CLMP: variants seen among roughly 807,000 people sequenced by gnomAD.
CLMP encodes CXADR-like membrane protein.
CLMP carries 27 observed loss-of-function variants against 45.2 expected under a neutral mutation model. That is an observed-to-expected ratio of 0.60 (90% CI 0.44 to 0.82). The LOEUF (loss-of-function observed/expected upper bound fraction) is 0.82, where lower values mean the gene tolerates loss of function less well. Ranked by LOEUF, CLMP falls within the 40% of genes least tolerant of loss-of-function variation. The pLI, the probability that CLMP is intolerant of heterozygous loss-of-function variation, is 0.00. For missense variants in CLMP, 403 were observed against 448.4 expected (o/e 0.90, Z 0.91); for synonymous variants, 167 against 171.4 (o/e 0.97, Z 0.20).
At chr11:123,161,259 T>C (rs1861483644) in intron 1 of CLMP, among the ~76,000 whole-genome samples, 1 of 152,192 alleles carries the variant, frequency 6.6e-6, no homozygotes, top group Admixed American at 6.5e-5. Context: ...ACTGTAGAAC[T>C]GAGACAGATG....
rs1318902887 is a variant in CLMP, at chr11:123,074,954, G to GTT, written c.680-113_680-112dup. ...AGAATGAGTATTTGCAGGTTTGTTT[G>GTT]TTTTGTTTTTTTTTTTTTGAGACGG... is the stretch of plus-strand genomic sequence containing the variant. On this transcript the variant is annotated intron_variant, in intron 5 of 6. Coordinates refer to ENST00000448775, the MANE Select transcript of CLMP (RefSeq NM_024769.5). 3.4e-5 allele frequency: 39 copies of GTT among 1,162,960 alleles called. No individual in the cohort carries two copies. In the East Asian group the frequency reaches 7.0e-4, roughly 21 times the overall value. The allele number at this position is 1,162,960 out of a possible 1,614,324, so 72.0% of individuals were successfully genotyped here.
intron 1 of CLMP, among the ~76,000 whole-genome samples, chr11:123,129,596 G>T (rs1860955001): frequency 1.5e-5 from 2 of 135,628 alleles, no homozygotes; most frequent in Admixed American, 8.0e-5. Flanking sequence ...TAATTATATA[G>T]TATATAATAT....
At chr11:123,164,341 T>A (rs979500779) in intron 1 of CLMP, among the ~76,000 whole-genome samples, 3 of 152,200 alleles carry the variant, frequency 2.0e-5, no homozygotes, top group Non-Finnish European at 1.5e-5. Context: ...TCTTGCTCTG[T>A]CACCAAGGCT....
intron 5 of CLMP, among the ~76,000 whole-genome samples, chr11:123,075,185 C>T (rs1865722721): frequency 6.6e-6 from 1 of 151,944 alleles, no homozygotes; most frequent in Admixed American, 6.6e-5. Flanking sequence ...AACTCCCGAC[C>T]TCAGGTGATC....
intron 1 of CLMP, among the ~76,000 whole-genome samples, chr11:123,171,611 ATT>A (rs1861635168): frequency 6.6e-6 from 1 of 151,506 alleles, no homozygotes; most frequent in African/African-American, 2.4e-5. Context: ...CAGCCGGCCA[ATT>A]TTTGTTTTTT....
chr11:123,166,302 C>T (rs772811060), intron 1 of CLMP, among the ~76,000 whole-genome samples: 31 of 152,186 alleles, frequency 2.0e-4, no homozygotes, highest in Non-Finnish European at 3.4e-4. Context: ...TTTCGCCAAG[C>T]CCCAGGGCTA....
At chr11:123,155,000 G>C (rs755451647) in intron 1 of CLMP, among the ~76,000 whole-genome samples, 4 of 152,154 alleles carry the variant, frequency 2.6e-5, no homozygotes, top group Non-Finnish European at 4.4e-5. Flanking sequence ...AAATCGCTTT[G>C]TTTTTTGAGA....
chr11:123,123,742 A>G (rs1053694551), intron 1 of CLMP, among the ~76,000 whole-genome samples: 1 of 152,142 alleles, frequency 6.6e-6, no homozygotes, highest in African/African-American at 2.4e-5. Flanking sequence ...TCCATACACA[A>G]TTCCTGACTC....
At chr11:123,186,195 T>A (rs1210161148) in intron 1 of CLMP, among the ~76,000 whole-genome samples, 1 of 152,254 alleles carries the variant, frequency 6.6e-6, no homozygotes, top group South Asian at 2.1e-4. Flanking sequence ...GGGACAATAA[T>A]ACCAATCTCA....
At chr11:123,136,638 G>T (rs1352748706) in intron 1 of CLMP, among the ~76,000 whole-genome samples, 1 of 143,370 alleles carries the variant, frequency 7.0e-6, no homozygotes, top group Non-Finnish European at 1.5e-5. Flanking sequence ...CGCGATCTTG[G>T]CTCACTGTAA....
chr11:123,098,503 T>C (rs1866016405), intron 1 of CLMP, among the ~76,000 whole-genome samples: 1 of 151,824 alleles, frequency 6.6e-6, no homozygotes, highest in Admixed American at 6.6e-5. Flanking sequence ...GCTGGTATTA[T>C]AAGCATGAGC....
intron 1 of CLMP, among the ~76,000 whole-genome samples, chr11:123,125,015 G>A (rs984990146): frequency 1.3e-5 from 2 of 152,058 alleles, no homozygotes; most frequent in African/African-American, 2.4e-5. Flanking sequence ...TCCCACCTTA[G>A]CCTCCTGAGT....
intron 1 of CLMP, among the ~76,000 whole-genome samples, chr11:123,121,936 G>T (rs965903705): frequency 3.9e-5 from 6 of 152,108 alleles, no homozygotes; most frequent in African/African-American, 1.4e-4. Flanking sequence ...TAGAGATGGG[G>T]TTTTGCCATG....
intron 2 of CLMP, among the ~76,000 whole-genome samples, chr11:123,093,670 A>G (rs536553017): frequency 2.0e-5 from 3 of 152,190 alleles, no homozygotes; most frequent in South Asian, 2.1e-4. Context: ...TGCCCAGCCT[A>G]TTTTGTTTTT....
intron 1 of CLMP, among the ~76,000 whole-genome samples, chr11:123,126,583 GT>G (rs1484897299): frequency 6.6e-6 from 1 of 152,010 alleles, no homozygotes; most frequent in Non-Finnish European, 1.5e-5. Flanking sequence ...CTTGAGCTAA[GT>G]TTATGAAGAC....
At chr11:123,136,879 TC>T (rs1158462977) in intron 1 of CLMP, among the ~76,000 whole-genome samples, 6 of 152,058 alleles carry the variant, frequency 3.9e-5, no homozygotes, top group Non-Finnish European at 8.8e-5. Flanking sequence ...CCTTTGATTT[TC>T]TGAAAGTATA....
intron 5 of CLMP, among the ~76,000 whole-genome samples, chr11:123,082,756 G>A (rs1344527641): frequency 1.3e-5 from 2 of 151,702 alleles, no homozygotes; most frequent in East Asian, 2.0e-4. Context: ...GATTACAGGC[G>A]CCCACCACAC....
At chr11:123,179,470 A>G (rs773187721) in intron 1 of CLMP, among the ~76,000 whole-genome samples, 3 of 152,232 alleles carry the variant, frequency 2.0e-5, no homozygotes, top group Non-Finnish European at 4.4e-5. Context: ...ACTCATTATA[A>G]CAAATACTGT....
At chr11:123,150,480 A>AAAGAAGGAAAGG (rs764502298) in intron 1 of CLMP, among the ~76,000 whole-genome samples, 1 of 40,962 alleles carries the variant, frequency 2.4e-5, no homozygotes, top group African/African-American at 1.1e-4. Flanking sequence ...AGAAAGAAAG[A>AAAGAAGGAAAGG]AAGGAAGGAA....
Sources: allele counts gnomAD v4.1 joint callset (sites outside exome capture counted in the v4.1 genomes callset), GRCh38; gene constraint gnomAD v4.1.1; transcripts MANE v1.5; gene names NCBI Gene and HGNC (gene_info 2026-07-23, HGNC 2026-07-21).